Variants in TLK1 observed in about 807,000 individuals in gnomAD.
The protein encoded by TLK1 is serine/threonine-protein kinase tousled-like 1.
A neutral mutation model predicts 105.3 loss-of-function variants in TLK1; 24 were observed. The observed-to-expected ratio is 0.23, with a 90% confidence interval of 0.17 to 0.32. The LOEUF is 0.32. Ranked by LOEUF, TLK1 falls within the 10% of genes least tolerant of loss-of-function variation. TLK1 has a pLI of 1.00. For synonymous variants in TLK1, 321 were observed against 310.4 expected, an observed-to-expected ratio of 1.03 and a Z score of -0.36; for missense variants, 558 against 910.5, an observed-to-expected ratio of 0.61 and a Z score of 4.98.
intron 3 of TLK1, among the ~76,000 whole-genome samples, chr2:171,070,597 T>G (rs1444423999): frequency 1.3e-5 from 2 of 152,216 alleles, no homozygotes; most frequent in African/African-American, 4.8e-5. Flanking sequence ...TTGTTGCAAA[T>G]GACAGATTGC....
chr2:171,139,389 G>C (rs1361227378), intron 1 of TLK1, among the ~76,000 whole-genome samples: 1 of 152,130 alleles, frequency 6.6e-6, no homozygotes. Flanking sequence ...CCAGAGGTCA[G>C]GGGTTTGAGA....
At chr2:171,186,494 G>A (rs1036794638) in intron 1 of TLK1, among the ~76,000 whole-genome samples, 2 of 152,180 alleles carry the variant, frequency 1.3e-5, no homozygotes, top group African/African-American at 4.8e-5. Context: ...CCTACAATGT[G>A]TGGGACAGTC....
At chr2:171,214,001 ATCT>A (rs765873737) in intron 1 of TLK1, among the ~76,000 whole-genome samples, 10 of 151,440 alleles carry the variant, frequency 6.6e-5, no homozygotes, top group Admixed American at 2.0e-4. Flanking sequence ...AGCAGCCATC[ATCT>A]TCTTTCAGAC....
chr2:171,147,460 T>A (rs140260684), intron 1 of TLK1, among the ~76,000 whole-genome samples: 1 of 152,192 alleles, frequency 6.6e-6, no homozygotes, highest in African/African-American at 2.4e-5. Context: ...AGTACAGCCT[T>A]TCAACTTCTG....
At chr2:171,139,697 T>C (rs1307997716) in intron 1 of TLK1, among the ~76,000 whole-genome samples, 1 of 152,012 alleles carries the variant, frequency 6.6e-6, no homozygotes, top group Non-Finnish European at 1.5e-5. Context: ...CAATTCCAGA[T>C]GGCTAACTGC....
chr2:171,173,416 A>G (rs1002371619), intron 1 of TLK1, among the ~76,000 whole-genome samples: 5 of 151,820 alleles, frequency 3.3e-5, no homozygotes, highest in Admixed American at 3.3e-4. Flanking sequence ...GTGCAGCCCC[A>G]AACTCCTGTT....
intron 1 of TLK1, among the ~76,000 whole-genome samples, chr2:171,159,057 A>C (rs1353748226): frequency 6.6e-6 from 1 of 152,120 alleles, no homozygotes; most frequent in Non-Finnish European, 1.5e-5. Flanking sequence ...TTCAGGGCAC[A>C]AAACACTTGA....
At chr2:171,106,430 G>C (rs1169610427) in intron 2 of TLK1, among the ~76,000 whole-genome samples, 1 of 152,150 alleles carries the variant, frequency 6.6e-6, no homozygotes, top group East Asian at 1.9e-4. Flanking sequence ...GTCTCTACAT[G>C]TAATATCACA....
intron 1 of TLK1, among the ~76,000 whole-genome samples, chr2:171,171,100 A>T (rs1278608329): frequency 6.6e-6 from 1 of 152,230 alleles, no homozygotes; most frequent in Non-Finnish European, 1.5e-5. Context: ...TAAGTTAGGC[A>T]AAGGTTTCTT....
Position 171,144,653 on chromosome 2 carries a change from G to T in TLK1, c.139+15637C>A, listed in dbSNP as rs112767281. On this transcript the variant is annotated intron_variant, in intron 1 of 20. Transcript: ENST00000431350. ...AAAAGGCAACATATCAAAACTTATG[G>T]AATGAACTAAATCAGTGCTTAGAGG... Among the ~76,000 whole-genome samples, 543 of 152,158 alleles carry T rather than the reference G, an allele frequency of 3.6e-3. 6 individuals are homozygous for T. The highest frequency in any genetic ancestry group is 0.012 in the African/African-American group (502 of 41,552).
chr2:171,085,541 C>A (rs930160072), intron 2 of TLK1, among the ~76,000 whole-genome samples: 2 of 152,086 alleles, frequency 1.3e-5, no homozygotes, highest in African/African-American at 4.8e-5. Context: ...AAGCGAACAT[C>A]AAAGGCAAAC....
intron 2 of TLK1, among the ~76,000 whole-genome samples, chr2:171,100,030 G>GT (rs1689621851): frequency 6.6e-6 from 1 of 152,114 alleles, no homozygotes; most frequent in Non-Finnish European, 1.5e-5. Flanking sequence ...CTAGTACCCA[G>GT]TAAGTATAAA....
chr2:171,104,836 T>C (rs1177956698), intron 2 of TLK1, among the ~76,000 whole-genome samples: 2 of 152,214 alleles, frequency 1.3e-5, no homozygotes, highest in Non-Finnish European at 1.5e-5. Flanking sequence ...GTATGTTGAT[T>C]TTGTGTAACA....
At chr2:171,088,941 C>T (rs1399535768) in intron 2 of TLK1, among the ~76,000 whole-genome samples, 2 of 152,192 alleles carry the variant, frequency 1.3e-5, no homozygotes, top group Non-Finnish European at 2.9e-5. Context: ...CTCCCTGATC[C>T]TATGATGATC....
In TLK1 at chr2:171,160,813, A is replaced by G; in HGVS notation, c.-385T>C. 2.7e-6 allele frequency: 1 copy of G among 368,398 alleles called. No individual in the cohort carries two copies. 22.8% of individuals were successfully genotyped at this position (368,398 alleles called of 1,614,324 possible). On this transcript the variant is annotated 5_prime_UTR_variant, in exon 1 of 21. Coordinates refer to ENST00000431350, the MANE Select transcript of TLK1 (RefSeq NM_012290.5). This position sits in a 1 kb window ranked among gnomAD's most constrained non-coding sequence, Gnocchi z 4.4. ...GGGCGGAACCTGCCGGCACCTCTGC[A>G]GTGCGTCGGCCCCCGGCGTCGCCCG...
chr2:171,026,894 A>C (rs1685800501), intron 12 of TLK1, among the ~76,000 whole-genome samples: 1 of 152,142 alleles, frequency 6.6e-6, no homozygotes, highest in Non-Finnish European at 1.5e-5. Context: ...TAAGTCTCAA[A>C]GCGCAGGAAA....
chr2:171,149,944 A>AAACG (rs1342794536), intron 1 of TLK1, among the ~76,000 whole-genome samples: 1 of 152,128 alleles, frequency 6.6e-6, no homozygotes, highest in Non-Finnish European at 1.5e-5. Flanking sequence ...AAGAAAGAAC[A>AAACG]AACGAACGAA....
intron 2 of TLK1, among the ~76,000 whole-genome samples, chr2:171,104,924 C>G (rs1406944317): frequency 6.6e-6 from 1 of 152,146 alleles, no homozygotes; most frequent in Admixed American, 6.5e-5. Flanking sequence ...GACAAAGGCA[C>G]TGGGAACATT....
intron 1 of TLK1, among the ~76,000 whole-genome samples, chr2:171,176,071 G>A (rs1421883447): frequency 6.6e-6 from 1 of 152,010 alleles, no homozygotes. Context: ...TGAGTAGCTG[G>A]GATTACAAGC....
Sources: allele counts gnomAD v4.1 joint callset (sites outside exome capture counted in the v4.1 genomes callset), GRCh38; gene constraint gnomAD v4.1.1; non-coding constraint Gnocchi (gnomAD v3.1); transcripts MANE v1.5; gene names NCBI Gene and HGNC (gene_info 2026-07-23, HGNC 2026-07-21).